FOXN3: variants seen among roughly 807,000 people sequenced by gnomAD.
FOXN3 encodes forkhead box protein N3.
FOXN3 carries 7 observed loss-of-function variants against 38.4 expected under a neutral mutation model. That is an observed-to-expected ratio of 0.18 (90% confidence interval 0.10 to 0.34). The LOEUF (loss-of-function observed/expected upper bound fraction) is 0.34. FOXN3 is among the 10% of genes least tolerant of loss of function. The pLI is 1.00. For synonymous variants in FOXN3, 230 were observed against 242.2 expected, an observed-to-expected ratio of 0.95 and a Z score of 0.47; for missense variants, 456 against 613.4, an observed-to-expected ratio of 0.74 and a Z score of 2.71.
rs1888324030 is a variant in FOXN3 at position 89,204,406 on chromosome 14, T to C, written c.746-23600A>G. On this transcript the variant is annotated intron_variant, in intron 4 of 5. Transcript: ENST00000557258. ...CAGGTCTCATGGGCACCGAGCTCTG[T>C]CCAGGCCTCAGTTTCAACACTTAGC... is the stretch of plus-strand genomic sequence containing the variant. Among the ~76,000 whole-genome samples the C allele has an allele frequency of 3.3e-5, 5 of 152,286 alleles. No homozygotes were observed. The South Asian group carries it at 1.0e-3, about 32-fold the overall frequency.
intron 2 of FOXN3, among the ~76,000 whole-genome samples, chr14:89,359,413 T>C (rs569594204): frequency 2.2e-4 from 33 of 152,294 alleles, no homozygotes; most frequent in African/African-American, 7.0e-4. Context: ...CCTGATGGAA[T>C]AGGTACTTGT....
intron 3 of FOXN3, among the ~76,000 whole-genome samples, chr14:89,342,287 G>C (rs1888639432): frequency 6.6e-6 from 1 of 152,204 alleles, no homozygotes; most frequent in Non-Finnish European, 1.5e-5. Flanking sequence ...GAAATTGGAT[G>C]ACTGGGCATA....
At chr14:89,544,479 G>A (rs1348485356) in intron 1 of FOXN3, among the ~76,000 whole-genome samples, 1 of 152,116 alleles carries the variant, frequency 6.6e-6, no homozygotes, top group African/African-American at 2.4e-5. Flanking sequence ...GCTAACATCT[G>A]AGGACATCAG....
At chr14:89,386,120 G>C (rs558710192) in intron 2 of FOXN3, among the ~76,000 whole-genome samples, 4 of 152,196 alleles carry the variant, frequency 2.6e-5, no homozygotes, top group Admixed American at 6.5e-5. Context: ...ACAGCTCAGA[G>C]GATGCACACG....
chr14:89,570,524 T>C (rs1002978197), intron 1 of FOXN3, among the ~76,000 whole-genome samples: 3 of 152,076 alleles, frequency 2.0e-5, no homozygotes, highest in African/African-American at 4.8e-5. Flanking sequence ...ATGAAGGGAT[T>C]GGATTGCTAA....
intron 1 of FOXN3, among the ~76,000 whole-genome samples, chr14:89,559,019 A>C (rs1320942702): frequency 6.6e-6 from 1 of 152,130 alleles, no homozygotes; most frequent in African/African-American, 2.4e-5. Context: ...TTTGGAAACA[A>C]AGTCATAGGA....
chr14:89,529,566 G>A (rs1049109090), intron 1 of FOXN3, among the ~76,000 whole-genome samples: 4 of 152,230 alleles, frequency 2.6e-5, no homozygotes, highest in African/African-American at 9.6e-5. Context: ...CCTCCTTTAA[G>A]GAAGCAGTGC....
chr14:89,436,014 T>TC (rs1270479305), intron 1 of FOXN3, among the ~76,000 whole-genome samples: 1 of 150,346 alleles, frequency 6.7e-6, no homozygotes, highest in Admixed American at 6.6e-5. Context: ...TCTTTATTAT[T>TC]TTTTTTTTCA....
chr14:89,510,949 A>G (rs1318464367), intron 1 of FOXN3, among the ~76,000 whole-genome samples: 1 of 152,012 alleles, frequency 6.6e-6, no homozygotes, highest in Admixed American at 6.6e-5. Context: ...TCTCAAAGAA[A>G]AGAAAACAGT....
At chr14:89,430,907 C>T (rs554481674) in intron 1 of FOXN3, among the ~76,000 whole-genome samples, 5 of 152,244 alleles carry the variant, frequency 3.3e-5, no homozygotes, top group African/African-American at 7.2e-5. Flanking sequence ...GGTCTTGGGC[C>T]GGGGATCTTG....
rs376295811 is a variant in FOXN3 at position 89,428,538 on chromosome 14, C to G, written c.-14-16048G>C. On this transcript the variant is annotated intron_variant, in intron 1 of 6. Transcript: ENST00000345097. ...CTTCTCTGCACTCAAAGACGTGATT[C>G]TGACTGGTTTCAAAGATTTGGCCCC... Among the ~76,000 whole-genome samples the G allele has an allele frequency of 2.6e-5, 4 of 152,200 alleles. No homozygotes were observed. The East Asian group carries it at 7.7e-4, about 29-fold the overall frequency.
intron 1 of FOXN3, among the ~76,000 whole-genome samples, chr14:89,509,397 T>C (rs1230727083): frequency 6.6e-6 from 1 of 152,216 alleles, no homozygotes; most frequent in Non-Finnish European, 1.5e-5. Context: ...TGCAGTGGCA[T>C]GATCTCAGTT....
intron 3 of FOXN3, among the ~76,000 whole-genome samples, chr14:89,339,184 G>C (rs1888545906): frequency 6.6e-6 from 1 of 152,126 alleles, no homozygotes; most frequent in Non-Finnish European, 1.5e-5. Context: ...ACGTTGGCCA[G>C]GCTGGTCTCA....
At chr14:89,315,935 T>A (rs1268155361) in intron 3 of FOXN3, among the ~76,000 whole-genome samples, 4 of 152,012 alleles carry the variant, frequency 2.6e-5, no homozygotes, top group Admixed American at 6.6e-5. Flanking sequence ...CCCAGGCAAC[T>A]CTCTAAAGAA....
rs1473560522 is a variant in FOXN3, at chr14:89,484,342, T to C, written c.-14-71852A>G. On this transcript the variant is annotated intron_variant, in intron 1 of 6. Transcript: ENST00000345097. This position sits in a 1 kb window ranked among gnomAD's most constrained non-coding sequence, Gnocchi z 4.0. ...TAGGGTAAATATTTCATGGTTTCCATTGCACTTATTTAACTCTGCCATTGT... is the reference window on the plus strand; with the variant it reads ...TAGGGTAAATATTTCATGGTTTCCACTGCACTTATTTAACTCTGCCATTGT... 2.0e-5 allele frequency among the ~76,000 whole-genome samples: 3 copies of C among 152,256 alleles called. No individual in the cohort carries two copies. The highest frequency in any genetic ancestry group is 3.8e-4 in the East Asian group (2 of 5,204).
chr14:89,334,248 T>C (rs1888368909), intron 3 of FOXN3, among the ~76,000 whole-genome samples: 1 of 151,556 alleles, frequency 6.6e-6, no homozygotes, highest in African/African-American at 2.4e-5. Context: ...GGGGTTGGGG[T>C]TGGGGAGTGA....
intron 3 of FOXN3, among the ~76,000 whole-genome samples, chr14:89,312,563 T>C (rs1566953591): frequency 1.3e-5 from 2 of 152,024 alleles, no homozygotes; most frequent in Non-Finnish European, 2.9e-5. Flanking sequence ...GGGATAAATA[T>C]GTCTATCTCC....
At chr14:89,337,076 A>C (rs1294520546) in intron 3 of FOXN3, among the ~76,000 whole-genome samples, 1 of 152,172 alleles carries the variant, frequency 6.6e-6, no homozygotes. Flanking sequence ...GAGGTGCCCA[A>C]GAGAGGGGTC....
chr14:89,528,842 C>G (rs1237781983), intron 1 of FOXN3, among the ~76,000 whole-genome samples: 3 of 151,952 alleles, frequency 2.0e-5, no homozygotes, highest in African/African-American at 7.3e-5. Flanking sequence ...ATAGTTGTTG[C>G]CTGCATACTT....
Sources: gnomAD v4.1 joint callset for allele counts (sites outside exome capture counted in the v4.1 genomes callset) on GRCh38, gnomAD v4.1.1 for gene constraint, Gnocchi (gnomAD v3.1) non-coding constraint, MANE v1.5 for transcripts, NCBI Gene and HGNC (gene_info 2026-07-23, HGNC 2026-07-21) for gene names.